COL9A1: variants seen among roughly 807,000 people sequenced by gnomAD.
The protein encoded by COL9A1 is collagen alpha-1(IX) chain.
Under a neutral mutation model 142.6 loss-of-function variants are expected in COL9A1, and 104 were observed. The observed-to-expected ratio is 0.73, with a 90% CI of 0.62 to 0.86. The LOEUF (loss-of-function observed/expected upper bound fraction) is 0.86. Among genes scored for constraint, COL9A1 ranks in the 40% least tolerant of loss-of-function variants. COL9A1 has a pLI of 0.00. For missense variants in COL9A1, 1,210 were observed against 1,176.6 expected (o/e 1.03, Z -0.42); for synonymous variants, 466 against 396.0 (o/e 1.18, Z -2.10).
intron 36 of COL9A1, among the ~76,000 whole-genome samples, chr6:70,227,120 G>C (rs1278199793): frequency 6.6e-6 from 1 of 151,974 alleles, no homozygotes; most frequent in Non-Finnish European, 1.5e-5. Context: ...TAGTCAACTG[G>C]AAAAGAAAAG....
At chr6:70,225,876 T>C (rs1769192656) in intron 37 of COL9A1, 56 bp downstream of exon 37, 1 of 1,225,056 alleles carries the variant, frequency 8.2e-7, no homozygotes, top group Admixed American at 1.7e-5. Flanking sequence ...CAATTCAGGC[T>C]GTGTACTTGC....
chr6:70,221,413 C>G (rs1047871602), intron 37 of COL9A1, among the ~76,000 whole-genome samples: 1 of 152,118 alleles, frequency 6.6e-6, no homozygotes. Context: ...GAATTATAAA[C>G]TGGTTTATGT....
Position 70,281,550 on chromosome 6 carries a change from G to A in COL9A1, c.802-86C>T, listed in dbSNP as rs923617578. On this transcript the variant is annotated intron_variant, in intron 7 of 37. Coordinates refer to ENST00000357250, the MANE Select transcript of COL9A1 (RefSeq NM_001851.6). ...GCGGTGCCCTGAAGCCCCCGCCTCC[G>A]TGGGGTAAAAGTTACCTTCCAGAGG... 1.4e-4 allele frequency: 151 copies of A among 1,061,832 alleles called. 1 individual carries two copies. Among genetic ancestry groups the A allele is most frequent in the Non-Finnish European group, 1.9e-4 (137 of 732,366 alleles). The allele number at this position is 1,061,832 out of a possible 1,614,324, so 65.8% of individuals were successfully genotyped here. A position where few individuals can be genotyped will look rare whatever the true frequency, so the allele number is the denominator to read the frequency against.
chr6:70,235,226 G>A (rs537497043), intron 33 of COL9A1, among the ~76,000 whole-genome samples: 7 of 152,258 alleles, frequency 4.6e-5, no homozygotes, highest in Non-Finnish European at 7.4e-5. Flanking sequence ...AGGCCCATGT[G>A]GGTGGATCAT....
Position 70,300,444 on chromosome 6 carries a change from T to C in COL9A1, c.89-58A>G, listed in dbSNP as rs1774021635. On this transcript the variant is annotated intron_variant, in intron 2 of 37. Transcript: ENST00000357250. ...TCCACTCTAACTTAAAGTATAATAA[T>C]AATAAAATAAAATAAAATAATAATA... is the stretch of plus-strand genomic sequence containing the variant. 4 of 663,882 alleles carry C rather than the reference T, an allele frequency of 6.0e-6. No homozygotes were observed. The South Asian group carries it at 1.6e-4, about 27-fold the overall frequency. The allele number at this position is 663,882 out of a possible 1,614,324, so 41.1% of individuals were successfully genotyped here. A position where few individuals can be genotyped will look rare whatever the true frequency, so the allele number is the denominator to read the frequency against.
chr6:70,298,787 C>T (rs960816), intron 4 of COL9A1, among the ~76,000 whole-genome samples: 25,660 of 152,114 alleles, frequency 0.17, 2,787 homozygotes, highest in East Asian at 0.44. Context: ...TTTAGCAACA[C>T]GACTGGCACT....
At chr6:70,270,269 C>G (rs1285245846) in intron 15 of COL9A1, 45 bp downstream of exon 15, 2 of 1,583,232 alleles carry the variant, frequency 1.3e-6, no homozygotes, top group Non-Finnish European at 1.7e-6. Flanking sequence ...TTTTTCAACC[C>G]TGACTCTCAG....
At chr6:70,297,561 C>T (rs1037876367) in intron 4 of COL9A1, among the ~76,000 whole-genome samples, 2 of 152,054 alleles carry the variant, frequency 1.3e-5, no homozygotes, top group South Asian at 4.1e-4. Flanking sequence ...ACCCGAAATT[C>T]GGTTCTTGCA....
At chr6:70,247,724 A>C (rs1770691973) in intron 28 of COL9A1, among the ~76,000 whole-genome samples, 1 of 152,198 alleles carries the variant, frequency 6.6e-6, no homozygotes, top group Non-Finnish European at 1.5e-5. Context: ...ATATTTTTAA[A>C]ATCTATTCAA....
intron 37 of COL9A1, among the ~76,000 whole-genome samples, chr6:70,217,585 T>TG (rs1190615487): frequency 2.0e-5 from 3 of 152,260 alleles, no homozygotes; most frequent in Non-Finnish European, 4.4e-5. Flanking sequence ...CTTTTTCATG[T>TG]GGCTACTTGA....
At chr6:70,242,261 A>G in intron 29 of COL9A1, 2 of 599,474 alleles carry the variant, frequency 3.3e-6, no homozygotes, top group African/African-American at 1.8e-5. Flanking sequence ...TTCCCCTTGC[A>G]CTCCTTGGCA....
At chr6:70,272,325 CTT>C (rs34456949) in intron 12 of COL9A1, among the ~76,000 whole-genome samples, 14 of 149,094 alleles carry the variant, frequency 9.4e-5, no homozygotes, top group South Asian at 2.1e-4. Context: ...TTTTTCCAAA[CTT>C]TTTTTTTTTA....
intron 1 of COL9A1, among the ~76,000 whole-genome samples, chr6:70,302,419 A>G (rs544537779): frequency 2.0e-5 from 3 of 152,012 alleles, no homozygotes; most frequent in Admixed American, 1.3e-4. Flanking sequence ...CATGGTGGTC[A>G]GTCTGGTCTT....
chr6:70,266,580 G>C, intron 18 of COL9A1, 137 bp downstream of exon 18: 1 of 779,214 alleles, frequency 1.3e-6, no homozygotes, highest in Non-Finnish European at 2.3e-6. Flanking sequence ...CATCTGCTTA[G>C]AACTTATCAA....
At chr6:70,270,718 C>T (rs553583763) in intron 14 of COL9A1, among the ~76,000 whole-genome samples, 94 of 152,328 alleles carry the variant, frequency 6.2e-4, no homozygotes, top group Non-Finnish European at 1.1e-3. Context: ...GCAACCTATA[C>T]TGCTAGTGCC....
chr6:70,297,822 A>C (rs1444154939), intron 4 of COL9A1, among the ~76,000 whole-genome samples: 2 of 152,170 alleles, frequency 1.3e-5, no homozygotes, highest in East Asian at 3.8e-4. Flanking sequence ...TGAGAGTGTA[A>C]AACGATTATG....
chr6:70,248,443 G>A (rs1409680244), intron 28 of COL9A1, among the ~76,000 whole-genome samples: 1 of 152,188 alleles, frequency 6.6e-6, no homozygotes, highest in Non-Finnish European at 1.5e-5. Flanking sequence ...ACATGCCTCA[G>A]TAGCTCATTT....
At chr6:70,215,077 A>T (rs996931256), downstream of COL9A1, 7 of 152,240 alleles carry the variant, frequency 4.6e-5, no homozygotes, top group African/African-American at 1.4e-4. Flanking sequence ...CTATGCCTTT[A>T]TTTAATTATG....
chr6:70,249,593 C>T (rs560508877), intron 28 of COL9A1, among the ~76,000 whole-genome samples: 1 of 152,198 alleles, frequency 6.6e-6, no homozygotes, highest in South Asian at 2.1e-4. Flanking sequence ...CCAACAGGTC[C>T]TATTTGTGAT....
Sources: allele counts gnomAD v4.1 joint callset (sites outside exome capture counted in the v4.1 genomes callset), GRCh38; gene constraint gnomAD v4.1.1; transcripts MANE v1.5; gene names NCBI Gene and HGNC (gene_info 2026-07-23, HGNC 2026-07-21).